ALMS1: variants seen among roughly 807,000 people sequenced by gnomAD.
The protein encoded by ALMS1 is centrosome-associated protein ALMS1.
Under a neutral mutation model 352.2 loss-of-function variants are expected in ALMS1, and 271 were observed. The observed-to-expected ratio is 0.77, with a 90% CI of 0.70 to 0.85. ALMS1 has a LOEUF of 0.85. Ranked by LOEUF, ALMS1 falls within the 40% of genes least tolerant of loss-of-function variation. The pLI, the probability that ALMS1 is intolerant of heterozygous loss-of-function variation, is 0.00. For missense variants in ALMS1, 5,445 were observed against 4,870.7 expected (o/e 1.12, Z -3.51); for synonymous variants, 1,865 against 1,761.2 (o/e 1.06, Z -1.48).
rs1671992482 is a variant in ALMS1, at chr2:73,453,428, G to A, written c.6901G>A (p.Val2301Ile). The part of the protein sequence containing the change: ...DISFIQSKKV[V>I]CFKEPSSTGV... ...TTCATTTATACAATCTAAGAAGGTG[G>A]TTTGCTTCAAAGAACCCTCTTCCAC... Residue 2301 changes from valine (V) to isoleucine (I), a missense_variant, in exon 8 of 23, where the codon GTT (valine) becomes ATT (isoleucine). Val to Ile is a conservative substitution (Grantham distance 29). Coordinates refer to ENST00000613296, the MANE Select transcript of ALMS1 (RefSeq NM_001378454.1). The A allele has an allele frequency of 1.9e-6, 3 of 1,613,346 alleles. No individual in the cohort carries two copies. In the East Asian group the frequency reaches 6.7e-5, roughly 36 times the overall value.
chr2:73,388,312 G>A (rs1024970385), intron 1 of ALMS1, among the ~76,000 whole-genome samples: 2 of 152,230 alleles, frequency 1.3e-5, no homozygotes, highest in East Asian at 1.9e-4. Context: ...ACATATGCAC[G>A]TAATTAACAT....
rs377600448 is a variant in ALMS1 at position 73,519,845 on chromosome 2, A to G, written c.9610A>G (p.Ile3204Val). The change falls in exon 11 of 23, where the codon ATA becomes GTA. Residue 3204 changes from isoleucine (I) to valine (V), a missense_variant. Ile to Val is a conservative substitution (Grantham distance 29). Transcript: ENST00000613296. ...ATTGTCATCTGATGCAGTCACTCAGATAACAACAGAAAGTCCAGAAAAGAC... is the reference window on the plus strand; with the variant it reads ...ATTGTCATCTGATGCAGTCACTCAGGTAACAACAGAAAGTCCAGAAAAGAC... The part of the protein sequence containing the change: ...EKLSSDAVTQ[I>V]TTESPEKTLF... 1.1e-5 allele frequency: 18 copies of G among 1,613,978 alleles called. No homozygotes were observed. The highest frequency in any genetic ancestry group is 2.2e-5 in the East Asian group (1 of 44,884).
chr2:73,496,973 T>C (rs913593254), intron 10 of ALMS1, among the ~76,000 whole-genome samples: 2 of 152,150 alleles, frequency 1.3e-5, no homozygotes. Flanking sequence ...GGATATGTTA[T>C]TTGCAAATAT....
At chr2:73,560,737 T>TA (rs1237960140) in intron 15 of ALMS1, among the ~76,000 whole-genome samples, 1 of 152,188 alleles carries the variant, frequency 6.6e-6, no homozygotes, top group Non-Finnish European at 1.5e-5. Flanking sequence ...TGTGCAGCCT[T>TA]AAGAAAGAAG....
Position 73,567,327 on chromosome 2 carries a change from C to G in ALMS1, c.10385-4935C>G, listed in dbSNP as rs76890914. Among the ~76,000 whole-genome samples the G allele has an allele frequency of 8.2e-3, 1,256 of 152,302 alleles. 14 individuals are homozygous for G. The highest frequency in any genetic ancestry group is 0.029 in the African/African-American group (1,202 of 41,556). Reference sequence around the variant, plus strand: ...ACAGACCCTCCTTGAACCTTTATCACTCGCTCTTGAACTGTTTCAAGAACC... The same window carrying G: ...ACAGACCCTCCTTGAACCTTTATCAGTCGCTCTTGAACTGTTTCAAGAACC... On this transcript the variant is annotated intron_variant, in intron 15 of 22. Transcript: ENST00000613296.
At chr2:73,454,518 T>A in intron 8 of ALMS1, 1 of 267,720 alleles carries the variant, frequency 3.7e-6, no homozygotes, top group Non-Finnish European at 5.8e-6. Flanking sequence ...ATATATTTTC[T>A]CTTTCCCTTT....
chr2:73,550,837 A>T (rs961536799), intron 13 of ALMS1, among the ~76,000 whole-genome samples: 1 of 146,646 alleles, frequency 6.8e-6, no homozygotes, highest in Non-Finnish European at 1.5e-5. Flanking sequence ...AGCTGACATG[A>T]TTTTTTTTTT....
chr2:73,461,843 G>C (rs1572944915), intron 9 of ALMS1, among the ~76,000 whole-genome samples: 1 of 152,326 alleles, frequency 6.6e-6, no homozygotes, highest in African/African-American at 2.4e-5. Flanking sequence ...TCAACTGGAA[G>C]AAAGGGTATC....
intron 6 of ALMS1, among the ~76,000 whole-genome samples, chr2:73,430,253 T>C (rs922831641): frequency 7.2e-5 from 11 of 152,096 alleles, no homozygotes; most frequent in African/African-American, 2.4e-4. Context: ...ATTTTTTGTA[T>C]TTTTAGTAGA....
chr2:73,570,578 C>G (rs1347903405), intron 15 of ALMS1, among the ~76,000 whole-genome samples: 1 of 151,986 alleles, frequency 6.6e-6, no homozygotes, highest in Non-Finnish European at 1.5e-5. Context: ...GGGCCAGTAC[C>G]TGGAGGAAGA....
At chr2:73,565,298 G>A (rs181932198) in intron 15 of ALMS1, among the ~76,000 whole-genome samples, 1 of 152,142 alleles carries the variant, frequency 6.6e-6, no homozygotes, top group African/African-American at 2.4e-5. Flanking sequence ...CACAGGGATG[G>A]GGAATATGTC....
At chr2:73,414,449 T>G (rs1671140100) in intron 2 of ALMS1, among the ~76,000 whole-genome samples, 1 of 150,786 alleles carries the variant, frequency 6.6e-6, no homozygotes, top group African/African-American at 2.4e-5. Context: ...TACTTTTAAA[T>G]AGATATGTCA....
At chr2:73,431,139 G>A (rs1671491966) in intron 6 of ALMS1, among the ~76,000 whole-genome samples, 1 of 152,082 alleles carries the variant, frequency 6.6e-6, no homozygotes, top group Non-Finnish European at 1.5e-5. Flanking sequence ...CTAGATACTA[G>A]TAACATCCCC....
chr2:73,572,298 G>A lies in ALMS1; in HGVS notation c.10421G>A (p.Arg3474His), dbSNP rs757108070. 8.1e-6 allele frequency: 13 copies of A among 1,607,542 alleles called. No individual in the cohort carries two copies. The East Asian group carries it at 1.3e-4, about 17-fold the overall frequency. ...ECHSEFENTT[R>H]SVFRSAKFYI... Reference sequence around the variant, plus strand: ...CATTCAGAATTTGAAAATACTACCCGTTCTGTCTTCAGGTCAGCAAAGTTT... The same window carrying A: ...CATTCAGAATTTGAAAATACTACCCATTCTGTCTTCAGGTCAGCAAAGTTT... Residue 3474 changes from arginine (R) to histidine (H), a missense_variant, in exon 16 of 23, where the codon CGT (arginine) becomes CAT (histidine). Transcript: ENST00000613296.
intron 10 of ALMS1, among the ~76,000 whole-genome samples, chr2:73,517,896 G>C (rs1673593376): frequency 6.6e-6 from 1 of 152,042 alleles, no homozygotes; most frequent in Non-Finnish European, 1.5e-5. Flanking sequence ...GACCTCAGGT[G>C]ATCCACCCAC....
At chr2:73,438,725 C>T (rs1308975886) in intron 7 of ALMS1, among the ~76,000 whole-genome samples, 2 of 152,072 alleles carry the variant, frequency 1.3e-5, no homozygotes, top group Non-Finnish European at 2.9e-5. Flanking sequence ...CAGAAAGAGG[C>T]CAATAGAAAA....
In ALMS1 at chr2:73,424,519, C is replaced by T. The variant is rs764778825; in HGVS notation, c.854C>T (p.Ala285Val). 2 of 1,611,118 alleles carry T rather than the reference C, an allele frequency of 1.2e-6. No homozygotes were observed. Among genetic ancestry groups the T allele is most frequent in the South Asian group, 1.1e-5 (1 of 90,628 alleles). ...EALFQATAEV[A>V]SDLASSRFSV... ...TTATTCCAGGCTACTGCAGAAGTAG[C>T]TTCAGACTTAGCAAGCAGTCGCTTT... is the stretch of plus-strand genomic sequence containing the variant. The change falls in exon 5 of 23, where the codon GCT becomes GTT. Residue 285 changes from alanine (A) to valine (V), a missense_variant. Physicochemically the swap from Ala to Val is moderately conservative, Grantham distance 64 (BLOSUM62 0). Coordinates refer to ENST00000613296, the MANE Select transcript of ALMS1 (RefSeq NM_001378454.1).
chr2:73,586,456 C>G (rs959965829), intron 16 of ALMS1, among the ~76,000 whole-genome samples: 1 of 152,074 alleles, frequency 6.6e-6, no homozygotes, highest in Non-Finnish European at 1.5e-5. Context: ...GTTTCATTCT[C>G]CTATATGTGG....
At chr2:73,464,556 C>A (rs529172589) in intron 9 of ALMS1, among the ~76,000 whole-genome samples, 5 of 152,318 alleles carry the variant, frequency 3.3e-5, no homozygotes, top group Admixed American at 6.5e-5. Flanking sequence ...TGCCCTCTCT[C>A]ACCACTCCTA....
Sources: gnomAD v4.1 joint callset for allele counts (sites outside exome capture counted in the v4.1 genomes callset) on GRCh38, gnomAD v4.1.1 for gene constraint, MANE v1.5 for transcripts, NCBI Gene and HGNC (gene_info 2026-07-23, HGNC 2026-07-21) for gene names.